DLGAP2: variants seen among roughly 807,000 people sequenced by gnomAD.
DLGAP2 encodes disks large-associated protein 2.
Under a neutral mutation model 100.3 loss-of-function variants are expected in DLGAP2, and 26 were observed. The observed-to-expected ratio is 0.26, with a 90% CI of 0.19 to 0.36. The LOEUF is 0.36. Among genes scored for constraint, DLGAP2 ranks in the 10% least tolerant of loss-of-function variants. The pLI is 1.00. For missense variants in DLGAP2, 1,858 were observed against 1,453.2 expected (o/e 1.28, Z -4.53); for synonymous variants, 886 against 630.1 (o/e 1.41, Z -6.08).
intron 3 of DLGAP2, among the ~76,000 whole-genome samples, chr8:1,439,328 G>A (rs986774951): frequency 1.8e-4 from 27 of 152,176 alleles, no homozygotes; most frequent in Admixed American, 1.6e-3. Flanking sequence ...GAAGCTTCGC[G>A]CTGTCTGTGG....
chr8:1,447,111 C>T (rs960382053), intron 3 of DLGAP2, among the ~76,000 whole-genome samples: 1 of 152,186 alleles, frequency 6.6e-6, no homozygotes, highest in Non-Finnish European at 1.5e-5. Flanking sequence ...TTGCCCTGGC[C>T]AGAACTTCCA....
rs114885307 is a variant in DLGAP2, at chr8:1,211,167, C to T, written c.74-47684C>T. Among the ~76,000 whole-genome samples the T allele has an allele frequency of 5.4e-3, 822 of 152,326 alleles. 8 individuals are homozygous for T. Among genetic ancestry groups the T allele is most frequent in the African/African-American group, 0.018 (765 of 41,570 alleles). On this transcript the variant is annotated intron_variant, in intron 2 of 14. Coordinates refer to ENST00000637795, the MANE Select transcript of DLGAP2 (RefSeq NM_001346810.2). Reference sequence around the variant, plus strand: ...AACATGATCTCATGTGAACAGGCTGCGTTCAGCACAACATTCTCAGGGGCC... The same window carrying T: ...AACATGATCTCATGTGAACAGGCTGTGTTCAGCACAACATTCTCAGGGGCC...
At chr8:1,237,474 G>A (rs1384756022) in intron 2 of DLGAP2, among the ~76,000 whole-genome samples, 24 of 141,666 alleles carry the variant, frequency 1.7e-4, no homozygotes, top group African/African-American at 3.2e-4. Flanking sequence ...ACATGGTGCC[G>A]TGTCTAGTTC....
rs562411897 is a variant in DLGAP2, at chr8:884,661, T to TTTTATTGCCACTGCTTTTGGCA, written c.19-23247_19-23226dup. On this transcript the variant is annotated intron_variant, in intron 1 of 14. Transcript: ENST00000637795. Reference sequence around the variant, plus strand: ...TTAGATCCCATTTGCCAATTTTGGCTTTTATTGCCACTGCTTTTGGCATTT... The same window carrying TTTTATTGCCACTGCTTTTGGCA: ...TTAGATCCCATTTGCCAATTTTGGCTTTTATTGCCACTGCTTTTGGCATTTATTGCCACTGCTTTTGGCATTT... Among the ~76,000 whole-genome samples, 393 of 152,366 alleles carry TTTTATTGCCACTGCTTTTGGCA rather than the reference T, an allele frequency of 2.6e-3. 2 individuals are homozygous for TTTTATTGCCACTGCTTTTGGCA. The East Asian group carries it at 0.041, about 16-fold the overall frequency.
At chr8:1,597,342 A>G (rs1015352521) in intron 6 of DLGAP2, among the ~76,000 whole-genome samples, 5 of 150,394 alleles carry the variant, frequency 3.3e-5, no homozygotes, top group Admixed American at 6.6e-5. Flanking sequence ...TCTTGGCTAT[A>G]TGGACTCTTT....
intron 1 of DLGAP2, among the ~76,000 whole-genome samples, chr8:811,491 G>A (rs1013860984): frequency 6.7e-6 from 1 of 148,816 alleles, no homozygotes; most frequent in African/African-American, 2.5e-5. Flanking sequence ...CTCAGCCAGG[G>A]CTCCTGCCGT....
chr8:1,020,583 G>A (rs138393436), intron 2 of DLGAP2, among the ~76,000 whole-genome samples: 60 of 152,328 alleles, frequency 3.9e-4, no homozygotes, highest in African/African-American at 1.3e-3. Context: ...GAGAGTGAAC[G>A]CATTGACAGC....
chr8:902,858 G>A (rs1798286094), intron 1 of DLGAP2, among the ~76,000 whole-genome samples: 1 of 46,144 alleles, frequency 2.2e-5, no homozygotes, highest in Admixed American at 2.1e-4. Context: ...GTAGGGGGGC[G>A]GGGGGGCGGA....
At chr8:1,580,392 C>T (rs961164046) in intron 6 of DLGAP2, among the ~76,000 whole-genome samples, 1 of 152,110 alleles carries the variant, frequency 6.6e-6, no homozygotes, top group South Asian at 2.1e-4. Context: ...AATCAGTGAC[C>T]TTGAAGATAG....
chr8:1,490,990 A>G (rs1799362969), intron 3 of DLGAP2, among the ~76,000 whole-genome samples: 1 of 148,702 alleles, frequency 6.7e-6, no homozygotes, highest in East Asian at 2.0e-4. Flanking sequence ...AAACCTGCAC[A>G]TTGTGCACAT....
intron 3 of DLGAP2, among the ~76,000 whole-genome samples, chr8:1,325,944 C>T (rs939576166): frequency 5.3e-5 from 8 of 152,156 alleles, no homozygotes; most frequent in Non-Finnish European, 8.8e-5. Flanking sequence ...TCATTATCTT[C>T]CCCCGTAAGC....
At chr8:1,124,010 G>A (rs1347535353) in intron 2 of DLGAP2, among the ~76,000 whole-genome samples, 1 of 139,444 alleles carries the variant, frequency 7.2e-6, no homozygotes, top group Non-Finnish European at 1.7e-5. Context: ...GTGAGAGCGT[G>A]GTATTCTTAA....
At chr8:1,455,522 G>A (rs1798287992) in intron 3 of DLGAP2, among the ~76,000 whole-genome samples, 1 of 152,240 alleles carries the variant, frequency 6.6e-6, no homozygotes, top group African/African-American at 2.4e-5. Flanking sequence ...AGGGCTGAGA[G>A]GAGGAAGTCA....
At chr8:1,309,611 C>T (rs950030186) in intron 3 of DLGAP2, among the ~76,000 whole-genome samples, 1 of 152,188 alleles carries the variant, frequency 6.6e-6, no homozygotes, top group African/African-American at 2.4e-5. Context: ...CATAAAAGGA[C>T]AGCGGCATTA....
intron 4 of DLGAP2, among the ~76,000 whole-genome samples, chr8:1,523,760 C>A (rs942125656): frequency 6.6e-6 from 1 of 152,218 alleles, no homozygotes; most frequent in Non-Finnish European, 1.5e-5. Flanking sequence ...TTCGTTACAT[C>A]CCTAAAAGAC....
At chr8:1,095,118 A>G (rs895692301) in intron 2 of DLGAP2, among the ~76,000 whole-genome samples, 4 of 144,598 alleles carry the variant, frequency 2.8e-5, no homozygotes, top group Non-Finnish European at 4.5e-5. Context: ...GCTGGCATGG[A>G]CCACCTTCCC....
At chr8:960,136 C>G (rs1018678534) in intron 2 of DLGAP2, among the ~76,000 whole-genome samples, 5 of 151,572 alleles carry the variant, frequency 3.3e-5, no homozygotes, top group African/African-American at 1.2e-4. Context: ...CCAAAGATGG[C>G]CCAGTTCCCC....
At chr8:1,493,426 C>T (rs960156265) in intron 3 of DLGAP2, among the ~76,000 whole-genome samples, 1 of 152,206 alleles carries the variant, frequency 6.6e-6, no homozygotes, top group Non-Finnish European at 1.5e-5. Context: ...CTGCCTCCAT[C>T]TCCCTGGCTT....
intron 2 of DLGAP2, among the ~76,000 whole-genome samples, chr8:1,138,997 C>T (rs775531477): frequency 3.0e-4 from 46 of 152,250 alleles, no homozygotes; most frequent in Non-Finnish European, 5.7e-4. Context: ...TGGTGGGAAA[C>T]GTTCACCCTG....
Sources: gnomAD v4.1 joint callset for allele counts (sites outside exome capture counted in the v4.1 genomes callset) on GRCh38, gnomAD v4.1.1 for gene constraint, MANE v1.5 for transcripts, NCBI Gene and HGNC (gene_info 2026-07-23, HGNC 2026-07-21) for gene names.